Variants in GALNTL6 observed in about 807,000 individuals in gnomAD.
The protein encoded by GALNTL6 is polypeptide N-acetylgalactosaminyltransferase like 6, also known as polypeptide N-acetylgalactosaminyltransferase-like 6.
GALNTL6 carries 46 observed loss-of-function variants against 73.7 expected under a neutral mutation model. The observed-to-expected ratio is 0.62, with a 90% CI of 0.49 to 0.80. The LOEUF is 0.80. Among genes scored for constraint, GALNTL6 ranks in the 30% least tolerant of loss-of-function variants. The pLI is 0.00. For synonymous variants in GALNTL6, 259 were observed against 263.7 expected (o/e 0.98, Z 0.17); for missense variants, 604 against 755.0 (o/e 0.80, Z 2.34).
At chr4:171,825,964 G>C (rs1734814487) in intron 2 of GALNTL6, among the ~76,000 whole-genome samples, 1 of 152,076 alleles carries the variant, frequency 6.6e-6, no homozygotes, top group Non-Finnish European at 1.5e-5. Context: ...TGTAATGCTG[G>C]GACCTGTCAG....
At chr4:172,424,968 G>A (rs1230295518) in intron 5 of GALNTL6, among the ~76,000 whole-genome samples, 3 of 152,062 alleles carry the variant, frequency 2.0e-5, no homozygotes, top group African/African-American at 4.8e-5. Flanking sequence ...CAAGCATCAA[G>A]TGTGGTAAGG....
At chr4:172,133,977 G>C (rs769823387) in intron 2 of GALNTL6, among the ~76,000 whole-genome samples, 1 of 152,254 alleles carries the variant, frequency 6.6e-6, no homozygotes, top group African/African-American at 2.4e-5. Flanking sequence ...TGTTTTGTTT[G>C]TATGAAAAAA....
At chr4:172,965,657 G>A (rs558273692) in intron 10 of GALNTL6, among the ~76,000 whole-genome samples, 24 of 150,184 alleles carry the variant, frequency 1.6e-4, no homozygotes, top group Non-Finnish European at 3.1e-4. Flanking sequence ...ATTCCCAGAC[G>A]AGCAAATTGG....
chr4:172,451,785 T>C (rs1332186954), intron 5 of GALNTL6, among the ~76,000 whole-genome samples: 1 of 152,054 alleles, frequency 6.6e-6, no homozygotes, highest in Non-Finnish European at 1.5e-5. Context: ...GCTGGAGAAT[T>C]GCTTGAGGCC....
At chr4:172,538,694 T>C (rs1646665766) in intron 5 of GALNTL6, among the ~76,000 whole-genome samples, 1 of 151,958 alleles carries the variant, frequency 6.6e-6, no homozygotes, top group African/African-American at 2.4e-5. Context: ...TAGATGAGAG[T>C]AAGGTCCAGA....
rs920043470 is a variant in GALNTL6, at chr4:171,814,348, G to T, written c.-169-64G>T. ...CTTTAGTCAAGTCATTTATTTCTAA[G>T]CCAATAGATAATGCCTTCGTCATAG... On this transcript the variant is annotated intron_variant, in intron 1 of 12. Transcript: ENST00000506823. The T allele has an allele frequency of 1.4e-4, 79 of 579,298 alleles. No individual in the cohort carries two copies. In the African/African-American group the frequency reaches 1.4e-3, roughly 10 times the overall value. The allele number at this position is 579,298 out of a possible 1,614,324, so 35.9% of individuals were successfully genotyped here.
At chr4:172,642,914 A>AT (rs1346043488) in intron 5 of GALNTL6, among the ~76,000 whole-genome samples, 1 of 151,926 alleles carries the variant, frequency 6.6e-6, no homozygotes, top group African/African-American at 2.4e-5. Flanking sequence ...CATGTCACTT[A>AT]TTGAGCCTCA....
At chr4:171,877,944 A>G (rs1032642028) in intron 2 of GALNTL6, among the ~76,000 whole-genome samples, 4 of 152,244 alleles carry the variant, frequency 2.6e-5, no homozygotes, top group Admixed American at 2.0e-4. Flanking sequence ...TTGCAAAATG[A>G]AACACTCAAA....
At chr4:172,862,521 A>C (rs1177546198) in intron 7 of GALNTL6, among the ~76,000 whole-genome samples, 4 of 152,122 alleles carry the variant, frequency 2.6e-5, no homozygotes, top group Non-Finnish European at 5.9e-5. Flanking sequence ...ATATGGTGAA[A>C]ACCTCATCTC....
intron 2 of GALNTL6, among the ~76,000 whole-genome samples, chr4:171,879,084 G>C (rs1042061096): frequency 3.3e-5 from 5 of 152,078 alleles, no homozygotes; most frequent in Non-Finnish European, 7.4e-5. Flanking sequence ...ATTTTTTATA[G>C]TAGTGCGAGA....
At chr4:172,419,421 T>C (rs1359251462) in intron 5 of GALNTL6, among the ~76,000 whole-genome samples, 1 of 152,202 alleles carries the variant, frequency 6.6e-6, no homozygotes, top group African/African-American at 2.4e-5. Flanking sequence ...TTATTTTAGT[T>C]ATAATTTATT....
chr4:172,683,976 T>G (rs1370181835), intron 5 of GALNTL6, among the ~76,000 whole-genome samples: 2 of 152,172 alleles, frequency 1.3e-5, no homozygotes, highest in Non-Finnish European at 2.9e-5. Flanking sequence ...TCACTCATCT[T>G]CCAGAAAAAA....
chr4:172,886,557 A>G (rs1023245075), intron 8 of GALNTL6, among the ~76,000 whole-genome samples: 4 of 152,236 alleles, frequency 2.6e-5, no homozygotes, highest in African/African-American at 9.6e-5. Flanking sequence ...CAAGGTCAGG[A>G]GTTCGAGACC....
rs141230943 is a variant in GALNTL6 at position 172,514,735 on chromosome 4, G to A, written c.553+166046G>A. Among the ~76,000 whole-genome samples, 20 of 152,290 alleles carry A rather than the reference G, an allele frequency of 1.3e-4. No homozygotes were observed. The East Asian group carries it at 3.9e-3, about 29-fold the overall frequency. On this transcript the variant is annotated intron_variant, in intron 5 of 12. Coordinates refer to ENST00000506823, the MANE Select transcript of GALNTL6 (RefSeq NM_001034845.3). The stretch of plus-strand genomic sequence containing the variant: ...GCCCCTGTGAGATACGGTCTGGAAT[G>A]GGTCCCTGAGCTTCCCTGAGGACCA...
chr4:172,133,646 T>G (rs1560936349), intron 2 of GALNTL6, among the ~76,000 whole-genome samples: 1 of 152,196 alleles, frequency 6.6e-6, no homozygotes, highest in African/African-American at 2.4e-5. Context: ...CAGTGGAAAG[T>G]GTACAGCACG....
intron 2 of GALNTL6, among the ~76,000 whole-genome samples, chr4:171,894,480 A>T (rs1736851645): frequency 6.6e-6 from 1 of 152,246 alleles, no homozygotes; most frequent in Non-Finnish European, 1.5e-5. Flanking sequence ...AATTCTTTTT[A>T]CAATATAATT....
chr4:172,857,093 G>A (rs1335942341), intron 7 of GALNTL6, among the ~76,000 whole-genome samples: 2 of 152,188 alleles, frequency 1.3e-5, no homozygotes, highest in African/African-American at 4.8e-5. Flanking sequence ...CCTGCTTTAT[G>A]TGGCCGAGAC....
At chr4:171,916,166 A>G (rs1328216603) in intron 2 of GALNTL6, among the ~76,000 whole-genome samples, 2 of 152,104 alleles carry the variant, frequency 1.3e-5, no homozygotes, top group African/African-American at 2.4e-5. Context: ...TTGTTGAGAT[A>G]GATATGATAT....
intron 8 of GALNTL6, among the ~76,000 whole-genome samples, chr4:172,891,318 T>C (rs1368336360): frequency 3.3e-5 from 5 of 152,210 alleles, no homozygotes; most frequent in Non-Finnish European, 5.9e-5. Context: ...TTCATTTCCT[T>C]GTTTAGAGCT....
Sources: gnomAD v4.1 joint callset for allele counts (sites outside exome capture counted in the v4.1 genomes callset) on GRCh38, gnomAD v4.1.1 for gene constraint, MANE v1.5 for transcripts, NCBI Gene and HGNC (gene_info 2026-07-23, HGNC 2026-07-21) for gene names.